CFAP61: variants seen among roughly 807,000 people sequenced by gnomAD.
The protein encoded by CFAP61 is cilia and flagella associated protein 61.
Under a neutral mutation model 135.6 loss-of-function variants are expected in CFAP61, and 107 were observed. The ratio of observed to expected loss-of-function variants is 0.79; its 90% CI spans 0.67 to 0.93. CFAP61 has a LOEUF of 0.93. Among genes scored for constraint, CFAP61 ranks in the 40% least tolerant of loss-of-function variants. CFAP61 has a pLI of 0.00. For synonymous variants in CFAP61, 575 were observed against 578.5 expected, an observed-to-expected ratio of 0.99 and a Z score of 0.09; for missense variants, 1,507 against 1,556.2, an observed-to-expected ratio of 0.97 and a Z score of 0.53.
At chr20:20,277,809 C>CA (rs59644509) in intron 22 of CFAP61, among the ~76,000 whole-genome samples, 5,967 of 152,262 alleles carry the variant, frequency 0.039, 410 homozygotes, top group African/African-American at 0.14. Flanking sequence ...CATAGTCACT[C>CA]ACATGTCTGG....
chr20:20,069,217 A>T (rs1236892947), intron 2 of CFAP61, among the ~76,000 whole-genome samples: 1 of 152,226 alleles, frequency 6.6e-6, no homozygotes, highest in African/African-American at 2.4e-5. Context: ...TTACACTGTC[A>T]AGTGGGAAAA....
chr20:20,282,938 CAAA>C (rs34218302), intron 22 of CFAP61, among the ~76,000 whole-genome samples: 65 of 137,188 alleles, frequency 4.7e-4, no homozygotes, highest in African/African-American at 5.1e-4. Context: ...GACCCTGTCT[CAAA>C]AAAAAAAAAA....
chr20:20,091,529 T>C (rs902606946), intron 7 of CFAP61, among the ~76,000 whole-genome samples: 1 of 152,098 alleles, frequency 6.6e-6, no homozygotes, highest in African/African-American at 2.4e-5. Flanking sequence ...CTCTCATGTA[T>C]ATTCTGAACC....
intron 7 of CFAP61, among the ~76,000 whole-genome samples, chr20:20,094,969 T>C (rs1034499156): frequency 3.3e-5 from 5 of 152,166 alleles, no homozygotes; most frequent in African/African-American, 1.2e-4. Context: ...GATTGTTAAA[T>C]CCTCAGGAAC....
At chr20:20,256,999 A>G (rs961767486) in intron 20 of CFAP61, among the ~76,000 whole-genome samples, 1 of 152,220 alleles carries the variant, frequency 6.6e-6, no homozygotes, top group African/African-American at 2.4e-5. Flanking sequence ...TGAGGATGAT[A>G]AATAGTTTCT....
At chr20:20,209,292 T>C (rs1366556354) in intron 17 of CFAP61, among the ~76,000 whole-genome samples, 2 of 152,258 alleles carry the variant, frequency 1.3e-5, no homozygotes, top group African/African-American at 4.8e-5. Flanking sequence ...CTACCATATC[T>C]GCCCTTATTA....
At chr20:20,113,786 T>C (rs900603073) in intron 8 of CFAP61, among the ~76,000 whole-genome samples, 1 of 152,200 alleles carries the variant, frequency 6.6e-6, no homozygotes, top group African/African-American at 2.4e-5. Context: ...AGATTAAATG[T>C]CCATATATGT....
intron 2 of CFAP61, among the ~76,000 whole-genome samples, chr20:20,059,260 G>A (rs944412213): frequency 1.5e-4 from 22 of 143,562 alleles, no homozygotes; most frequent in African/African-American, 4.5e-4. Context: ...CCCAGGAGGC[G>A]GAGGTTGCAA....
chr20:20,151,962 A>G (rs6046659), intron 9 of CFAP61, among the ~76,000 whole-genome samples: 137,106 of 152,026 alleles, frequency 0.9, 62,652 homozygotes, highest in Middle Eastern at 0.99. Context: ...TAAGACCTGT[A>G]AGGCGGAAAC....
rs118143299 is a variant in CFAP61, at chr20:20,154,883, A to G, written c.952-4487A>G. Among the ~76,000 whole-genome samples the G allele has an allele frequency of 2.2e-3, 336 of 152,098 alleles. 11 individuals are homozygous for G. In the East Asian group the frequency reaches 0.051, roughly 23 times the overall value. On this transcript the variant is annotated intron_variant, in intron 9 of 26. Coordinates refer to ENST00000245957, the MANE Select transcript of CFAP61 (RefSeq NM_015585.4). ...TCTACAGATTCAATGCACTTCCCAT[A>G]AAAATACCATCATCATTCTTCACAG...
chr20:20,248,863 C>G (rs2050667661), intron 19 of CFAP61, among the ~76,000 whole-genome samples: 1 of 152,172 alleles, frequency 6.6e-6, no homozygotes, highest in Non-Finnish European at 1.5e-5. Flanking sequence ...ATGCCCTCTT[C>G]CAGGAATTTC....
At chr20:20,215,904 A>G (rs972780175) in intron 17 of CFAP61, among the ~76,000 whole-genome samples, 2 of 152,298 alleles carry the variant, frequency 1.3e-5, no homozygotes, top group East Asian at 3.9e-4. Context: ...GGCTTAGACT[A>G]TATGGTTTTC....
intron 21 of CFAP61, among the ~76,000 whole-genome samples, chr20:20,269,132 T>TACACACACACACACACACAC (rs74174557): frequency 2.3e-5 from 2 of 87,148 alleles, no homozygotes; most frequent in Admixed American, 1.3e-4. Context: ...TATATATATA[T>TACACACACACACACACACAC]ATATATATAT....
chr20:20,354,717 G>T (rs928089366), intron 26 of CFAP61, among the ~76,000 whole-genome samples: 1 of 151,856 alleles, frequency 6.6e-6, no homozygotes, highest in Non-Finnish European at 1.5e-5. Context: ...ACTGTGTGAG[G>T]GGAGGTGGTC....
Position 20,118,253 on chromosome 20 carries a change from G to GTTCCTTTCTTTCTTTCTTTC in CFAP61, c.859+19441_859+19442insCCTTTCTTTCTTTCTTTCTT, listed in dbSNP as rs1201152599. 5.1e-4 allele frequency among the ~76,000 whole-genome samples: 71 copies of GTTCCTTTCTTTCTTTCTTTC among 138,610 alleles called. 1 individual carries two copies. In the East Asian group the frequency reaches 6.3e-3, roughly 12 times the overall value. 90.9% of individuals were successfully genotyped at this position (138,610 alleles called of 152,430 possible). ...TATGGTCTTCATTATTTTGAGGTAT[G>GTTCCTTTCTTTCTTTCTTTC]TTTCTTTCTTTCTTTCTTTCTTTCT... is the stretch of plus-strand genomic sequence containing the variant. On this transcript the variant is annotated intron_variant, in intron 8 of 26. Transcript: ENST00000245957.
At chr20:20,156,340 GA>G (rs2052907946) in intron 9 of CFAP61, among the ~76,000 whole-genome samples, 1 of 151,988 alleles carries the variant, frequency 6.6e-6, no homozygotes, top group East Asian at 1.9e-4. Context: ...AAAGACATTT[GA>G]AAATCTAACA....
intron 24 of CFAP61, among the ~76,000 whole-genome samples, chr20:20,294,996 C>G (rs2055312487): frequency 7.2e-6 from 1 of 138,792 alleles, no homozygotes; most frequent in Non-Finnish European, 1.6e-5. Flanking sequence ...TGCAACAAGT[C>G]CATAACAAAA....
intron 10 of CFAP61, among the ~76,000 whole-genome samples, chr20:20,160,162 C>T (rs771880532): frequency 6.6e-6 from 1 of 152,116 alleles, no homozygotes; most frequent in Admixed American, 6.5e-5. Flanking sequence ...GAGGTTGGTA[C>T]AATAAAGCAT....
intron 26 of CFAP61, among the ~76,000 whole-genome samples, chr20:20,348,848 C>T (rs1166252784): frequency 1.4e-5 from 2 of 145,992 alleles, no homozygotes; most frequent in Non-Finnish European, 1.5e-5. Flanking sequence ...TCCAATCTGA[C>T]AAAGGATGTT....
Sources: allele counts gnomAD v4.1 joint callset (sites outside exome capture counted in the v4.1 genomes callset), GRCh38; gene constraint gnomAD v4.1.1; transcripts MANE v1.5; gene names NCBI Gene and HGNC (gene_info 2026-07-23, HGNC 2026-07-21).